ZNF469: variants seen among roughly 807,000 people sequenced by gnomAD.
The protein encoded by ZNF469 is zinc finger protein 469.
ZNF469 carries 1 observed loss-of-function variant against 1.0 expected under a neutral mutation model. The observed-to-expected ratio is 1.00, with a 90% CI of 0.35 to 4.73. The LOEUF is 4.73. ZNF469 is among the 30% of genes most tolerant of loss of function. The pLI is 0.16. For synonymous variants in ZNF469, 2,703 were observed against 2,363.4 expected, an observed-to-expected ratio of 1.14 and a Z score of -4.17; for missense variants, 6,100 against 5,356.3, an observed-to-expected ratio of 1.14 and a Z score of -4.33.
upstream of ZNF469, among the ~76,000 whole-genome samples, chr16:88,378,093 C>T (rs544645278): frequency 2.0e-5 from 3 of 152,250 alleles, no homozygotes; most frequent in South Asian, 6.2e-4. Flanking sequence ...CCCCCCAGTT[C>T]ACCGCCAGGG....
the ZNF469 span, among the ~76,000 whole-genome samples, chr16:88,326,126 G>A: frequency 1.3e-5 from 2 of 152,252 alleles, no homozygotes; most frequent in South Asian, 2.1e-4. Context: ...TGGTTTGGCT[G>A]TGTCCCCACC....
chr16:88,435,928 G>A lies in ZNF469; in HGVS notation c.8458G>A (p.Gly2820Ser), dbSNP rs761603858. Residue 2820 changes from glycine (G) to serine (S), a missense_variant, in exon 3 of 3, where the codon GGC becomes AGC. By Grantham distance (56) the Gly-to-Ser change is moderately conservative. Transcript: ENST00000565624. ...CAGCACCACCAGCAGCTGCCTCCAG[G>A]GCCTCCCGGACAACCCAGACACCCA... is the stretch of plus-strand genomic sequence containing the variant. ...ADSTTSSCLQ[G>S]LPDNPDTQGG... The A allele has an allele frequency of 5.9e-5, 91 of 1,549,942 alleles. No homozygotes were observed. In the Middle Eastern group the frequency reaches 2.0e-3, roughly 34 times the overall value.
the ZNF469 span, among the ~76,000 whole-genome samples, chr16:88,157,274 C>A: frequency 6.6e-6 from 1 of 152,128 alleles, no homozygotes; most frequent in Non-Finnish European, 1.5e-5. Context: ...CCTGAACACT[C>A]GGTGCCTGAT....
At chr16:88,277,624 A>G in the ZNF469 span, among the ~76,000 whole-genome samples, 13 of 148,400 alleles carry the variant, frequency 8.8e-5, no homozygotes, top group African/African-American at 3.3e-4. Flanking sequence ...TACTGTGTAG[A>G]TAGCAGTGCA....
the ZNF469 span, among the ~76,000 whole-genome samples, chr16:88,163,077 G>A: frequency 6.6e-6 from 1 of 151,218 alleles, no homozygotes; most frequent in Non-Finnish European, 1.5e-5. Flanking sequence ...GGATGGATGG[G>A]TTGATGGATG....
chr16:88,151,282 C>A, the ZNF469 span, among the ~76,000 whole-genome samples: 65 of 152,386 alleles, frequency 4.3e-4, no homozygotes, highest in African/African-American at 1.4e-3. This position sits in a 1 kb window ranked among gnomAD's most constrained non-coding sequence, Gnocchi z 5.4. Context: ...CCAGATCACA[C>A]GGGCGCGGGC....
chr16:88,182,198 A>G, the ZNF469 span, among the ~76,000 whole-genome samples: 167 of 152,274 alleles, frequency 1.1e-3, no homozygotes, highest in African/African-American at 3.9e-3. Context: ...ACTTAAAACT[A>G]TAAGATGTTG....
At chr16:88,389,873 C>T (rs939454479) in intron 1 of ZNF469, among the ~76,000 whole-genome samples, 1 of 152,150 alleles carries the variant, frequency 6.6e-6, no homozygotes, top group Non-Finnish European at 1.5e-5. Context: ...GCACAGCCCT[C>T]GCCTCCTGAA....
the ZNF469 span, among the ~76,000 whole-genome samples, chr16:88,360,833 G>T: frequency 1.3e-5 from 2 of 151,996 alleles, no homozygotes; most frequent in Non-Finnish European, 2.9e-5. Flanking sequence ...GTCCACCCCT[G>T]CCCGACACCC....
the ZNF469 span, among the ~76,000 whole-genome samples, chr16:88,105,809 C>T: frequency 1.3e-5 from 2 of 152,204 alleles, no homozygotes; most frequent in East Asian, 1.9e-4. Context: ...ACGTGTGCTA[C>T]GTGGTGGCAT....
At chr16:88,346,269 C>A in the ZNF469 span, among the ~76,000 whole-genome samples, 1 of 152,212 alleles carries the variant, frequency 6.6e-6, no homozygotes, top group East Asian at 1.9e-4. Flanking sequence ...GTCTCTGGCC[C>A]GTTCATCTCG....
At chr16:88,390,778 C>T (rs527842491) in intron 1 of ZNF469, among the ~76,000 whole-genome samples, 41 of 152,264 alleles carry the variant, frequency 2.7e-4, no homozygotes, top group African/African-American at 8.4e-4. Flanking sequence ...GGGTTTTGAA[C>T]GGTGACTGGG....
At chr16:88,325,183 AC>A in the ZNF469 span, among the ~76,000 whole-genome samples, 8 of 109,318 alleles carry the variant, frequency 7.3e-5, no homozygotes, top group Non-Finnish European at 1.1e-4. Flanking sequence ...TCAAGTCCTC[AC>A]CTGCACACTC....
Position 88,439,244 on chromosome 16 carries a change from C to T in ZNF469, c.11774C>T (p.Ala3925Val), listed in dbSNP as rs1444589339. Residue 3925 changes from alanine to valine, a missense_variant, in exon 3 of 3, where the codon GCC becomes GTC. Ala to Val is a moderately conservative substitution (Grantham distance 64). Coordinates refer to ENST00000565624, the MANE Select transcript of ZNF469 (RefSeq NM_001367624.2). ...GCCGAGCCACACACCCACCGGACGG[C>T]CGAGGCCCAGAGTGACCTCCTCAGC... ...EPAEPHTHRT[A>V]EAQSDLLSQL... The T allele has an allele frequency of 6.4e-7, 1 of 1,550,488 alleles. No individual in the cohort carries two copies. Among genetic ancestry groups the T allele is most frequent in the East Asian group, 2.4e-5 (1 of 40,922 alleles).
At chr16:88,114,429 C>T in the ZNF469 span, among the ~76,000 whole-genome samples, 1,047 of 147,188 alleles carry the variant, frequency 7.1e-3, 6 homozygotes, top group Non-Finnish European at 0.011. Context: ...ACACTCACTG[C>T]GGGGGTCTCC....
At chr16:88,121,560 G>A in the ZNF469 span, among the ~76,000 whole-genome samples, 2 of 152,174 alleles carry the variant, frequency 1.3e-5, no homozygotes, top group African/African-American at 2.4e-5. Context: ...TCACAACCCC[G>A]GCTCACAGGC....
chr16:88,313,559 C>G, the ZNF469 span, among the ~76,000 whole-genome samples: 2 of 151,830 alleles, frequency 1.3e-5, no homozygotes, highest in South Asian at 4.2e-4. Flanking sequence ...TGTGGACTAT[C>G]TATCTCTGTA....
the ZNF469 span, among the ~76,000 whole-genome samples, chr16:88,214,576 A>G: frequency 6.6e-6 from 1 of 152,026 alleles, no homozygotes; most frequent in Non-Finnish European, 1.5e-5. Context: ...ACATAGGTAT[A>G]CACGTGCCAT....
chr16:88,328,829 G>A, the ZNF469 span, among the ~76,000 whole-genome samples: 4 of 152,174 alleles, frequency 2.6e-5, no homozygotes, highest in South Asian at 4.1e-4. Flanking sequence ...GATTCCAGGT[G>A]TCCAGAGAAA....
Sources: gnomAD v4.1 joint callset for allele counts (sites outside exome capture counted in the v4.1 genomes callset) on GRCh38, gnomAD v4.1.1 for gene constraint, Gnocchi (gnomAD v3.1) non-coding constraint, MANE v1.5 for transcripts, NCBI Gene and HGNC (gene_info 2026-07-23, HGNC 2026-07-21) for gene names.